The following DDX46 variants were observed in gnomAD, a reference collection of about 807,000 sequenced individuals.
The protein encoded by DDX46 is probable ATP-dependent RNA helicase DDX46.
A neutral mutation model predicts 134.9 loss-of-function variants in DDX46; 30 were observed. The observed-to-expected ratio is 0.22, with a 90% CI of 0.17 to 0.30. The LOEUF (loss-of-function observed/expected upper bound fraction) is 0.30. Among genes scored for constraint, DDX46 ranks in the 10% least tolerant of loss-of-function variants. The pLI is 1.00. For missense variants in DDX46, 622 were observed against 1,248.7 expected, an observed-to-expected ratio of 0.50 and a Z score of 7.56; for synonymous variants, 415 against 404.1, an observed-to-expected ratio of 1.03 and a Z score of -0.32.
At chr5:134,809,828 GAGAAAC>G (rs1755091290) in intron 16 of DDX46, among the ~76,000 whole-genome samples, 1 of 152,016 alleles carries the variant, frequency 6.6e-6, no homozygotes, top group Non-Finnish European at 1.5e-5. Flanking sequence ...GACCAACATG[GAGAAAC>G]CCTGTTTCTA....
intron 21 of DDX46, among the ~76,000 whole-genome samples, chr5:134,824,367 C>T (rs1435955833): frequency 2.0e-5 from 3 of 152,058 alleles, no homozygotes; most frequent in South Asian, 4.1e-4. Context: ...CCGAAGCGGG[C>T]GGATCACAAG....
intron 2 of DDX46, among the ~76,000 whole-genome samples, chr5:134,764,807 C>T (rs1753510184): frequency 6.7e-6 from 1 of 148,768 alleles, no homozygotes; most frequent in Non-Finnish European, 1.5e-5. Context: ...AATTTCCTTC[C>T]TCTCTCCCTC....
chr5:134,778,335 G>C (rs1754013330), intron 6 of DDX46, among the ~76,000 whole-genome samples: 1 of 151,774 alleles, frequency 6.6e-6, no homozygotes, highest in African/African-American at 2.4e-5. Flanking sequence ...TGATACCCTT[G>C]ATGCCCCTCA....
At chr5:134,791,180 A>C (rs1431890540) in intron 13 of DDX46, among the ~76,000 whole-genome samples, 1 of 152,212 alleles carries the variant, frequency 6.6e-6, no homozygotes, top group Non-Finnish European at 1.5e-5. Context: ...TCTAGTCTAG[A>C]TAGCACGTCA....
At chr5:134,823,728 C>A (rs1242636913) in intron 21 of DDX46, among the ~76,000 whole-genome samples, 1 of 152,110 alleles carries the variant, frequency 6.6e-6, no homozygotes, top group East Asian at 1.9e-4. Flanking sequence ...GGATTGCTGA[C>A]CCCTGGGTCT....
chr5:134,777,492 T>A, intron 5 of DDX46, 82 bp from the exon 6 acceptor site: 1 of 1,502,458 alleles, frequency 6.7e-7, no homozygotes, highest in Non-Finnish European at 9.0e-7. Flanking sequence ...GCAGAAAAGG[T>A]TAGAGAGGTG....
At chr5:134,827,108 C>A in intron 22 of DDX46, 88 bp downstream of exon 22, 1 of 1,309,382 alleles carries the variant, frequency 7.6e-7, no homozygotes, top group Non-Finnish European at 1.0e-6. Context: ...AAATCATAAA[C>A]ATATAGTTTG....
chr5:134,794,936 T>C lies in DDX46; in HGVS notation c.1713T>C (p.Ala571=), dbSNP rs1754605398. The part of the protein sequence containing the change: ...ATFPRAMEAL[A]RRILSKPIEV... Reference sequence around the variant, plus strand: ...TCCCCAGAGCTATGGAGGCTTTGGCTCGCAGGATCCTCAGTAAACCTATTG... The same window carrying C: ...TCCCCAGAGCTATGGAGGCTTTGGCCCGCAGGATCCTCAGTAAACCTATTG... The change falls in exon 14 of 23, where the codon GCT becomes GCC. Residue 571 remains alanine, a synonymous_variant. Coordinates refer to ENST00000452510, the MANE Select transcript of DDX46 (RefSeq NM_001300860.2). 1.2e-6 allele frequency: 2 copies of C among 1,614,236 alleles called. No individual in the cohort carries two copies. The highest frequency in any genetic ancestry group is 2.2e-5 in the East Asian group (1 of 44,888).
chr5:134,822,669 C>T (rs868422997), intron 21 of DDX46, among the ~76,000 whole-genome samples: 2 of 151,994 alleles, frequency 1.3e-5, no homozygotes, highest in Non-Finnish European at 2.9e-5. Context: ...GACCCAGTCA[C>T]AGCTCAAGCA....
At chr5:134,819,907 T>TTTTTG (rs1045800620) in intron 21 of DDX46, among the ~76,000 whole-genome samples, 1 of 151,970 alleles carries the variant, frequency 6.6e-6, no homozygotes, top group Non-Finnish European at 1.5e-5. Flanking sequence ...ATGTTTTTGA[T>TTTTTG]TTTTGTTTTG....
chr5:134,824,831 C>G (rs1755547538), intron 21 of DDX46, among the ~76,000 whole-genome samples: 1 of 152,170 alleles, frequency 6.6e-6, no homozygotes, highest in Non-Finnish European at 1.5e-5. Context: ...TGGCTGGCTC[C>G]TTGGAGGCTC....
At chr5:134,759,570 G>A (rs1195490633) in intron 1 of DDX46, among the ~76,000 whole-genome samples, 1 of 152,152 alleles carries the variant, frequency 6.6e-6, no homozygotes, top group Non-Finnish European at 1.5e-5. Context: ...GAACTCATTA[G>A]ATCTCATCAC....
At chr5:134,825,214 T>C (rs1276645081) in intron 21 of DDX46, among the ~76,000 whole-genome samples, 1 of 152,188 alleles carries the variant, frequency 6.6e-6, no homozygotes, top group Non-Finnish European at 1.5e-5. Context: ...CACCAACTCA[T>C]ACCAAGCAAC....
At chr5:134,799,442 T>A (rs1159305221) in intron 15 of DDX46, among the ~76,000 whole-genome samples, 8 of 138,318 alleles carry the variant, frequency 5.8e-5, no homozygotes, top group South Asian at 2.3e-4. Context: ...TGTGAATATT[T>A]AAAAAAAAAA....
chr5:134,809,429 A>G lies in DDX46; in HGVS notation c.2148+1488A>G, dbSNP rs1015891925. Among the ~76,000 whole-genome samples the G allele has an allele frequency of 5.9e-5, 9 of 152,040 alleles. No homozygotes were observed. The South Asian group carries it at 8.3e-4, about 14-fold the overall frequency. ...GTTGCCCAGACTGGAGTGCAGTGGC[A>G]TGATCTTGGCTCACTGCAACCTCTC... On this transcript the variant is annotated intron_variant, in intron 16 of 22. Transcript: ENST00000452510.
In DDX46 at chr5:134,784,357, C is replaced by G. The variant is rs1754266927; in HGVS notation, c.1167-9C>G. The G allele has an allele frequency of 1.9e-6, 3 of 1,590,446 alleles. No homozygotes were observed. The highest frequency in any genetic ancestry group is 8.5e-7 in the Non-Finnish European group (1 of 1,170,388). On this transcript the variant is annotated splice_polypyrimidine_tract_variant and intron_variant, in intron 9 of 22. Transcript: ENST00000452510. The stretch of plus-strand genomic sequence containing the variant: ...TCTTACCTTTTCTTCCTTTGGTTTT[C>G]TTTTTAAGGCATGGCTATGAAAAGC...
intron 18 of DDX46, among the ~76,000 whole-genome samples, chr5:134,816,119 G>A (rs185545986): frequency 5.6e-4 from 85 of 152,272 alleles, no homozygotes; most frequent in Admixed American, 3.9e-3. Context: ...GAAAGCACAT[G>A]TTTCCTCATT....
chr5:134,817,571 A>G lies in DDX46; in HGVS notation c.2689A>G (p.Ile897Val). 6.2e-7 allele frequency: 1 copy of G among 1,614,182 alleles called. No individual in the cohort carries two copies. Among genetic ancestry groups the G allele is most frequent in the Non-Finnish European group, 8.5e-7 (1 of 1,180,026 alleles). The change falls in exon 20 of 23, where the codon ATT becomes GTT. Residue 897 changes from isoleucine (I) to valine (V), a missense_variant. By Grantham distance (29) the Ile-to-Val change is conservative (BLOSUM62 3). Coordinates refer to ENST00000452510, the MANE Select transcript of DDX46 (RefSeq NM_001300860.2). ...GGCTCCCACTGTTTCTGCAAAAACC[A>G]TTGCAGAACAACTTGCTGAAAAGAT... ...ILAPTVSAKT[I>V]AEQLAEKINA...
chr5:134,793,208 A>G (rs779866668), intron 13 of DDX46, among the ~76,000 whole-genome samples: 20 of 152,168 alleles, frequency 1.3e-4, no homozygotes, highest in Admixed American at 5.2e-4. Flanking sequence ...TGTGAGCTTC[A>G]TAGATTAAAA....
Sources: allele counts gnomAD v4.1 joint callset (sites outside exome capture counted in the v4.1 genomes callset), GRCh38; gene constraint gnomAD v4.1.1; transcripts MANE v1.5; gene names NCBI Gene and HGNC (gene_info 2026-07-23, HGNC 2026-07-21).